The following NPNT variants were observed in gnomAD, a reference collection of about 807,000 sequenced individuals.
The protein encoded by NPNT is nephronectin.
In NPNT, 45 loss-of-function variants were observed where a neutral mutation model predicts 68.6. The ratio of observed to expected loss-of-function variants is 0.66; its 90% confidence interval spans 0.52 to 0.84. The LOEUF (loss-of-function observed/expected upper bound fraction) is 0.84. Among genes scored for constraint, NPNT ranks in the 40% least tolerant of loss-of-function variants. The probability of loss-of-function intolerance (pLI) is 0.00; values close to 1 mark genes in which losing one functional copy is unlikely to be tolerated. For missense variants in NPNT, 672 were observed against 714.8 expected (o/e 0.94, Z 0.68); for synonymous variants, 233 against 253.3 (o/e 0.92, Z 0.76).
chr4:105,928,080 TATTA>T (rs1365469440), intron 3 of NPNT, among the ~76,000 whole-genome samples: 2 of 152,176 alleles, frequency 1.3e-5, no homozygotes, highest in Admixed American at 6.5e-5. Flanking sequence ...AGGTATAATC[TATTA>T]ATTATTAGTC....
At chr4:105,962,001 T>C (rs1229504352) in intron 10 of NPNT, among the ~76,000 whole-genome samples, 1 of 152,174 alleles carries the variant, frequency 6.6e-6, no homozygotes, top group Non-Finnish European at 1.5e-5. Flanking sequence ...TTATGGCTCA[T>C]AGTCGAGAAA....
intron 2 of NPNT, among the ~76,000 whole-genome samples, chr4:105,917,889 G>T (rs1187367880): frequency 1.3e-5 from 2 of 152,186 alleles, no homozygotes; most frequent in African/African-American, 4.8e-5. Context: ...TGAATGCCAT[G>T]CTGAGTGTTT....
At chr4:105,954,076 A>G (rs1731033463) in intron 8 of NPNT, among the ~76,000 whole-genome samples, 1 of 152,230 alleles carries the variant, frequency 6.6e-6, no homozygotes. Context: ...CAGGTTATAT[A>G]TGATCACATC....
rs763795936 is a variant in NPNT, at chr4:105,937,020, T to C, written c.277T>C (p.Cys93Arg). The change falls in exon 4 of 12, where the codon TGT becomes CGT. Residue 93 changes from cysteine (C) to arginine (R), a missense_variant. Transcript: ENST00000379987. ...CACATTGTTTTCAGATCTAAATGAGTGTGGCCTGAAGCCCCGGCCCTGTAA... is the reference window on the plus strand; with the variant it reads ...CACATTGTTTTCAGATCTAAATGAGCGTGGCCTGAAGCCCCGGCCCTGTAA... Reference protein sequence around the residue: ...GKTCNQDLNECGLKPRPCKHR... With the variant: ...GKTCNQDLNERGLKPRPCKHR... 2 of 1,613,308 alleles carry C rather than the reference T, an allele frequency of 1.2e-6. No individual in the cohort carries two copies. The highest frequency in any genetic ancestry group is 1.7e-6 in the Non-Finnish European group (2 of 1,179,584).
chr4:105,935,485 C>T (rs1729425918), intron 3 of NPNT, among the ~76,000 whole-genome samples: 1 of 152,144 alleles, frequency 6.6e-6, no homozygotes, highest in East Asian at 1.9e-4. Flanking sequence ...CTCAGTCATT[C>T]TTCCTTGATT....
chr4:105,919,845 G>T (rs1238001399), intron 2 of NPNT, among the ~76,000 whole-genome samples: 1 of 151,882 alleles, frequency 6.6e-6, no homozygotes, highest in Non-Finnish European at 1.5e-5. Context: ...CTACTGAAAG[G>T]CACCTTTTTT....
chr4:105,908,032 G>A (rs1727056250), intron 2 of NPNT, among the ~76,000 whole-genome samples: 1 of 152,078 alleles, frequency 6.6e-6, no homozygotes, highest in Admixed American at 6.6e-5. Context: ...ACAGCCTGCT[G>A]AAATACTGTT....
At chr4:105,907,742 T>G (rs995596345) in intron 2 of NPNT, among the ~76,000 whole-genome samples, 1 of 152,186 alleles carries the variant, frequency 6.6e-6, no homozygotes, top group African/African-American at 2.4e-5. Flanking sequence ...TGTTATAAGG[T>G]AAAGAATTCA....
chr4:105,966,561 C>T (rs1389270582), intron 10 of NPNT, among the ~76,000 whole-genome samples: 3 of 151,982 alleles, frequency 2.0e-5, no homozygotes, highest in African/African-American at 4.8e-5. Flanking sequence ...TCCAGGAAGA[C>T]GGGGAGGGTT....
Position 105,967,280 on chromosome 4 carries a change from G to A in NPNT, c.1438G>A (p.Asp480Asn), listed in dbSNP as rs757356489. ...TCTCGGCCGCCTCATGCATTCAGGGGACCTGTGCCTGTCATTCAGGCACAA... is the reference window on the plus strand; with the variant it reads ...TCTCGGCCGCCTCATGCATTCAGGGAACCTGTGCCTGTCATTCAGGCACAA... ...LPLGRLMHSG[D>N]LCLSFRHKVT... The change falls in exon 11 of 12, where the codon GAC becomes AAC. Residue 480 changes from aspartate to asparagine, a missense_variant. Asp to Asn is a conservative substitution (Grantham distance 23). Coordinates refer to ENST00000379987, the MANE Select transcript of NPNT (RefSeq NM_001033047.3). 2.5e-6 allele frequency: 4 copies of A among 1,614,012 alleles called. No individual in the cohort carries two copies. Among genetic ancestry groups the A allele is most frequent in the South Asian group, 1.1e-5 (1 of 91,074 alleles).
chr4:105,895,604 C>T lies in NPNT; in HGVS notation c.-49C>T, dbSNP rs1449014998. 2.7e-6 allele frequency: 4 copies of T among 1,505,156 alleles called. No individual in the cohort carries two copies. The South Asian group carries it at 4.8e-5, about 18-fold the overall frequency. The allele number at this position is 1,505,156 out of a possible 1,614,324, so 93.2% of individuals were successfully genotyped here. A position where few individuals can be genotyped will look rare whatever the true frequency, so the allele number is the denominator to read the frequency against. Reference sequence around the variant, plus strand: ...CTCCCATCGGCGCCCACCACCCCAACCTGTTCCTCGCGCGCCACTGCGCTG... The same window carrying T: ...CTCCCATCGGCGCCCACCACCCCAATCTGTTCCTCGCGCGCCACTGCGCTG... On this transcript the variant is annotated 5_prime_UTR_variant, in exon 1 of 12. Transcript: ENST00000379987.
chr4:105,905,308 A>C (rs1000410928), intron 2 of NPNT, among the ~76,000 whole-genome samples: 1 of 152,190 alleles, frequency 6.6e-6, no homozygotes. Flanking sequence ...TTAGAAAAGT[A>C]AGAAATGCAT....
chr4:105,911,408 G>A (rs1727353744), intron 2 of NPNT, among the ~76,000 whole-genome samples: 1 of 152,080 alleles, frequency 6.6e-6, no homozygotes, highest in East Asian at 1.9e-4. Flanking sequence ...ATATACAATT[G>A]TAAATTACAG....
intron 8 of NPNT, among the ~76,000 whole-genome samples, chr4:105,947,724 T>G (rs1049088163): frequency 1.3e-5 from 2 of 152,186 alleles, no homozygotes; most frequent in Non-Finnish European, 2.9e-5. Context: ...AATGCTTTTT[T>G]TCAACCCACT....
At chr4:105,902,875 A>G (rs1344951123) in intron 2 of NPNT, 1 of 152,214 alleles carries the variant, frequency 6.6e-6, no homozygotes, top group African/African-American at 2.4e-5. Context: ...CCCCAATCAG[A>G]ACTGATCTTT....
intron 2 of NPNT, chr4:105,912,585 C>T: frequency 1.0e-6 from 1 of 996,248 alleles, no homozygotes; most frequent in Non-Finnish European, 1.2e-6. Context: ...AAATTACTAA[C>T]ACCAGCCTAT....
chr4:105,955,524 A>G (rs1018702295), intron 8 of NPNT, among the ~76,000 whole-genome samples: 1 of 152,146 alleles, frequency 6.6e-6, no homozygotes, highest in African/African-American at 2.4e-5. Flanking sequence ...TAGATGTCTT[A>G]GGTAAGTTTT....
intron 2 of NPNT, among the ~76,000 whole-genome samples, chr4:105,899,813 C>T (rs1726248162): frequency 6.6e-6 from 1 of 151,972 alleles, no homozygotes; most frequent in South Asian, 2.1e-4. Context: ...TTTATTTTTC[C>T]AGCATCTTAG....
Position 105,895,611 on chromosome 4 carries a change from C to T in NPNT, c.-42C>T, listed in dbSNP as rs999323314. The T allele has an allele frequency of 4.6e-6, 7 of 1,530,020 alleles. No individual in the cohort carries two copies. In the African/African-American group the frequency reaches 9.7e-5, roughly 21 times the overall value. The allele number at this position is 1,530,020 out of a possible 1,614,324, so 94.8% of individuals were successfully genotyped here. ...CGGCGCCCACCACCCCAACCTGTTC[C>T]TCGCGCGCCACTGCGCTGCGCCCCA... On this transcript the variant is annotated 5_prime_UTR_variant, in exon 1 of 12. Transcript: ENST00000379987.
Sources: allele counts gnomAD v4.1 joint callset (sites outside exome capture counted in the v4.1 genomes callset), GRCh38; gene constraint gnomAD v4.1.1; transcripts MANE v1.5; gene names NCBI Gene and HGNC (gene_info 2026-07-23, HGNC 2026-07-21).